Variants in SCRG1 observed in about 807,000 individuals in gnomAD.
SCRG1 encodes scrapie-responsive protein 1.
SCRG1 carries 3 observed loss-of-function variants against 7.7 expected under a neutral mutation model. That is an observed-to-expected ratio of 0.39 (90% CI 0.18 to 1.01). The LOEUF is 1.01. SCRG1 is among the 50% of genes least tolerant of loss of function. SCRG1 has a pLI of 0.36. For missense variants in SCRG1, 110 were observed against 117.2 expected (o/e 0.94, Z 0.28); for synonymous variants, 46 against 41.2 (o/e 1.12, Z -0.44).
chr4:173,452,116 G>A, the SCRG1 span, among the ~76,000 whole-genome samples: 36 of 152,088 alleles, frequency 2.4e-4, 1 homozygote, highest in South Asian at 7.3e-3. Flanking sequence ...GGGGCCTCAA[G>A]ACTCAGCTAC....
chr4:173,395,005 C>A (rs542098503), intron 1 of SCRG1, among the ~76,000 whole-genome samples: 1 of 152,120 alleles, frequency 6.6e-6, no homozygotes, highest in South Asian at 2.1e-4. Flanking sequence ...AAAAAGAAAT[C>A]TTTTTCTTCC....
At chr4:173,483,763 ATATATGATATATGATATATCATATATC>A in the SCRG1 span, among the ~76,000 whole-genome samples, 1 of 28,494 alleles carries the variant, frequency 3.5e-5, no homozygotes, top group East Asian at 1.5e-3. Flanking sequence ...GATATATCAT[ATATATGATATATGATATATCATATATC>A]ATATATATGA....
intron 1 of SCRG1, among the ~76,000 whole-genome samples, chr4:173,393,263 C>T (rs1466886504): frequency 3.3e-5 from 5 of 152,092 alleles, no homozygotes; most frequent in Admixed American, 6.6e-5. Context: ...TCTTCATACT[C>T]CTAAGAGTTT....
At chr4:173,477,207 T>C in the SCRG1 span, among the ~76,000 whole-genome samples, 1 of 152,142 alleles carries the variant, frequency 6.6e-6, no homozygotes, top group East Asian at 1.9e-4. Flanking sequence ...TTATCTCGTG[T>C]CTCATATCTT....
chr4:173,451,192 T>C, the SCRG1 span, among the ~76,000 whole-genome samples: 2 of 151,208 alleles, frequency 1.3e-5, no homozygotes, highest in Non-Finnish European at 2.9e-5. Flanking sequence ...TCTGATCTCC[T>C]AGTTATCCTG....
upstream of SCRG1, among the ~76,000 whole-genome samples, chr4:173,407,047 A>C (rs1047833738): frequency 1.3e-5 from 2 of 151,324 alleles, no homozygotes; most frequent in Non-Finnish European, 2.9e-5. Flanking sequence ...GTCTCTACTA[A>C]AAATACAAAA....
chr4:173,390,004 A>G (rs141551741), intron 2 of SCRG1: 16 of 241,494 alleles, frequency 6.6e-5, no homozygotes, highest in Admixed American at 1.4e-4. Flanking sequence ...AAGAACTAAA[A>G]ATATTTATGA....
upstream of SCRG1, among the ~76,000 whole-genome samples, chr4:173,409,588 C>CTTTT (rs372218375): frequency 2.3e-5 from 3 of 133,322 alleles, no homozygotes; most frequent in African/African-American, 2.8e-5. Flanking sequence ...TCCCTGCATA[C>CTTTT]TTTTTTTTTT....
the SCRG1 span, among the ~76,000 whole-genome samples, chr4:173,494,881 T>C: frequency 6.6e-6 from 1 of 152,224 alleles, no homozygotes; most frequent in East Asian, 1.9e-4. Context: ...AATTTACGCA[T>C]TGATTGGTTC....
upstream of SCRG1, among the ~76,000 whole-genome samples, chr4:173,403,515 C>G (rs1739817528): frequency 6.6e-6 from 1 of 152,072 alleles, no homozygotes; most frequent in Non-Finnish European, 1.5e-5. Context: ...AGAATTGATA[C>G]ATAGAGACTG....
the SCRG1 span, among the ~76,000 whole-genome samples, chr4:173,422,017 A>G: frequency 6.6e-6 from 1 of 152,250 alleles, no homozygotes; most frequent in African/African-American, 2.4e-5. Context: ...TGAACAAATT[A>G]GAGGTTTCTT....
chr4:173,450,929 A>G, the SCRG1 span, among the ~76,000 whole-genome samples: 1 of 152,170 alleles, frequency 6.6e-6, no homozygotes, highest in African/African-American at 2.4e-5. Flanking sequence ...GTGTCCAAGA[A>G]AGAACACCCA....
chr4:173,392,907 A>T (rs1739493734), intron 1 of SCRG1, among the ~76,000 whole-genome samples: 1 of 152,146 alleles, frequency 6.6e-6, no homozygotes, highest in South Asian at 2.1e-4. Flanking sequence ...CCTGCCCAAC[A>T]TGGCAAAACC....
At chr4:173,509,616 T>C in the SCRG1 span, among the ~76,000 whole-genome samples, 1 of 152,052 alleles carries the variant, frequency 6.6e-6, no homozygotes, top group Non-Finnish European at 1.5e-5. The surrounding 1 kb of genome is among the most constrained non-coding windows in gnomAD (Gnocchi z 5.7). Context: ...GCTCACTTCC[T>C]CCCCGCGCCG....
chr4:173,512,063 C>G, the SCRG1 span, among the ~76,000 whole-genome samples: 8 of 152,326 alleles, frequency 5.3e-5, no homozygotes, highest in South Asian at 8.3e-4. Context: ...ATGGTAAAAT[C>G]GTCCAAGAGG....
the SCRG1 span, among the ~76,000 whole-genome samples, chr4:173,436,623 G>A: frequency 6.6e-6 from 1 of 151,470 alleles, no homozygotes; most frequent in Non-Finnish European, 1.5e-5. Context: ...CTTTTTTTTT[G>A]GTATAAACAT....
chr4:173,503,862 T>G, the SCRG1 span, among the ~76,000 whole-genome samples: 1 of 152,210 alleles, frequency 6.6e-6, no homozygotes. This position sits in a 1 kb window ranked among gnomAD's most constrained non-coding sequence, Gnocchi z 6.4. Flanking sequence ...GTGTCATTTG[T>G]AGCAAAGTAG....
the SCRG1 span, among the ~76,000 whole-genome samples, chr4:173,483,504 C>CTATTATATATTATATTA: frequency 1.3e-4 from 3 of 22,510 alleles, no homozygotes; most frequent in Non-Finnish European, 2.4e-4. Flanking sequence ...ATATTATATT[C>CTATTATATATTATATTA]TGATATATAA....
chr4:173,445,021 T>A, the SCRG1 span, among the ~76,000 whole-genome samples: 1 of 152,182 alleles, frequency 6.6e-6, no homozygotes, highest in Non-Finnish European at 1.5e-5. Context: ...ATAAGTTGAG[T>A]TTGGCTTCTC....
Sources: allele counts gnomAD v4.1 joint callset (sites outside exome capture counted in the v4.1 genomes callset), GRCh38; gene constraint gnomAD v4.1.1; non-coding constraint Gnocchi (gnomAD v3.1); transcripts MANE v1.5; gene names NCBI Gene and HGNC (gene_info 2026-07-23, HGNC 2026-07-21).